The following ADAM29 variants were observed in gnomAD, a reference collection of about 807,000 sequenced individuals.
The protein encoded by ADAM29 is disintegrin and metalloproteinase domain-containing protein 29.
For missense variants in ADAM29, 969 were observed against 1,001.8 expected, an observed-to-expected ratio of 0.97 and a Z score of 0.44; for synonymous variants, 367 against 342.3, an observed-to-expected ratio of 1.07 and a Z score of -0.80.
chr4:174,939,638 T>C (rs1349043284), intron 4 of ADAM29, among the ~76,000 whole-genome samples: 1 of 152,216 alleles, frequency 6.6e-6, no homozygotes, highest in Non-Finnish European at 1.5e-5. Flanking sequence ...ATATTTCATT[T>C]TGAGTTACGT....
At chr4:174,962,443 C>T (rs2111065663) in intron 4 of ADAM29, among the ~76,000 whole-genome samples, 1 of 148,170 alleles carries the variant, frequency 6.7e-6, no homozygotes, top group Non-Finnish European at 1.5e-5. Context: ...ACCCGGGAAG[C>T]AGAGCTTGCA....
At chr4:174,936,332 AG>A in intron 3 of ADAM29, among the ~76,000 whole-genome samples, 1 of 152,026 alleles carries the variant, frequency 6.6e-6, no homozygotes, top group Non-Finnish European at 1.5e-5. Context: ...AGATTTTGAA[AG>A]GTCAAAAGTT....
Position 174,935,258 on chromosome 4 carries a change from C to T in ADAM29, c.-261-1675C>T, listed in dbSNP as rs1744139142. 1.3e-5 allele frequency among the ~76,000 whole-genome samples: 2 copies of T among 152,092 alleles called. 1 individual carries two copies. The highest frequency in any genetic ancestry group is 1.3e-4 in the Admixed American group (2 of 15,254). On this transcript the variant is annotated intron_variant, in intron 3 of 4. Transcript: ENST00000359240. ...GGTCTACATATAATACAGGATATGT[C>T]ATTAGAAATGCATTGAATTCTTATC...
At chr4:174,928,512 A>G (rs1743652755) in intron 2 of ADAM29, among the ~76,000 whole-genome samples, 1 of 144,538 alleles carries the variant, frequency 6.9e-6, no homozygotes, top group Non-Finnish European at 1.5e-5. Flanking sequence ...GAGGGGGAAC[A>G]GTCTGGTTGG....
chr4:174,936,138 G>A (rs1040887826), intron 3 of ADAM29, among the ~76,000 whole-genome samples: 1 of 152,010 alleles, frequency 6.6e-6, no homozygotes, highest in African/African-American at 2.4e-5. Flanking sequence ...CAGCAATTCA[G>A]TCTCTTTCAT....
intron 2 of ADAM29, among the ~76,000 whole-genome samples, chr4:174,928,207 G>A (rs566220040): frequency 1.3e-5 from 2 of 152,124 alleles, no homozygotes; most frequent in African/African-American, 2.4e-5. Flanking sequence ...CAGTCCTGCC[G>A]GGCTACCTCC....
chr4:174,931,908 G>A (rs924462049), intron 3 of ADAM29, among the ~76,000 whole-genome samples: 1 of 152,014 alleles, frequency 6.6e-6, no homozygotes, highest in African/African-American at 2.4e-5. Flanking sequence ...TAACTATAAT[G>A]TATTTTTCTC....
At chr4:174,962,466 C>T (rs1410314126) in intron 4 of ADAM29, among the ~76,000 whole-genome samples, 3 of 149,720 alleles carry the variant, frequency 2.0e-5, no homozygotes, top group Non-Finnish European at 3.0e-5. Flanking sequence ...GAGCCGAGAT[C>T]GCGCCACTGC....
At chr4:174,964,256 A>G (rs934107058) in intron 4 of ADAM29, among the ~76,000 whole-genome samples, 1 of 152,046 alleles carries the variant, frequency 6.6e-6, no homozygotes, top group Non-Finnish European at 1.5e-5. Context: ...GAAAATTAGT[A>G]CACACAAGAG....
chr4:174,943,644 T>C (rs1579035151), intron 4 of ADAM29, among the ~76,000 whole-genome samples: 2 of 152,222 alleles, frequency 1.3e-5, no homozygotes, highest in South Asian at 4.1e-4. Context: ...GTCCCTCCCC[T>C]GACACATGGG....
intron 3 of ADAM29, among the ~76,000 whole-genome samples, chr4:174,935,693 C>A (rs1226551286): frequency 1.3e-5 from 2 of 151,952 alleles, no homozygotes; most frequent in South Asian, 4.1e-4. Flanking sequence ...GCAGTCCTAC[C>A]ATTTACTCTT....
At position 174,977,869 on chromosome 4, in the gene ADAM29, A is replaced by T. The variant is rs775818511; in HGVS notation, c.2344A>T (p.Met782Leu). The T allele has an allele frequency of 6.3e-7, 1 of 1,586,768 alleles. No individual in the cohort carries two copies. The highest frequency in any genetic ancestry group is 8.6e-7 in the Non-Finnish European group (1 of 1,165,524). ...VMPSQSQPPV[M>L]PSQSHPQLTP... is the part of the protein sequence containing the mutation. ...GCCTTCTCAGAGTCAACCTCCTGTG[A>T]TGCCTTCCCAGAGTCATCCTCAGTT... The change falls in exon 5 of 5, where the codon ATG becomes TTG. Residue 782 changes from methionine to leucine, a missense_variant. Met to Leu is a conservative substitution (Grantham distance 15, BLOSUM62 2). Transcript: ENST00000359240.
At chr4:174,919,067 A>C (rs576170743) in intron 1 of ADAM29, 1 of 152,256 alleles carries the variant, frequency 6.6e-6, no homozygotes, top group South Asian at 2.1e-4. Flanking sequence ...AGGAACTTAC[A>C]TTTCCCTATA....
chr4:174,957,918 G>A (rs1258032971), intron 4 of ADAM29, among the ~76,000 whole-genome samples: 1 of 151,776 alleles, frequency 6.6e-6, no homozygotes, highest in Non-Finnish European at 1.5e-5. Flanking sequence ...ATGAGCTTTT[G>A]ATCTTACAAG....
chr4:174,960,415 A>G (rs1459122736), intron 4 of ADAM29, among the ~76,000 whole-genome samples: 1 of 152,144 alleles, frequency 6.6e-6, no homozygotes, highest in Non-Finnish European at 1.5e-5. Context: ...TTATCAAAGT[A>G]TATTCACTGT....
intron 4 of ADAM29, among the ~76,000 whole-genome samples, chr4:174,941,133 A>G (rs780581531): frequency 1.3e-4 from 20 of 152,330 alleles, no homozygotes; most frequent in Non-Finnish European, 8.8e-5. Flanking sequence ...TAGATGGTAT[A>G]AAAAAGAAGA....
At chr4:174,957,171 A>C (rs1745556057) in intron 4 of ADAM29, among the ~76,000 whole-genome samples, 1 of 151,906 alleles carries the variant, frequency 6.6e-6, no homozygotes, top group African/African-American at 2.4e-5. Context: ...CATCTGGACA[A>C]ACAGTTCAAT....
In ADAM29 at chr4:174,976,583, G is replaced by A. The variant is rs1320161420; in HGVS notation, c.1058G>A (p.Arg353Lys). 1 of 1,603,774 alleles carries A rather than the reference G, an allele frequency of 6.2e-7. No individual in the cohort carries two copies. The highest frequency in any genetic ancestry group is 1.1e-5 in the South Asian group (1 of 88,760). Residue 353 changes from arginine to lysine, a missense_variant, in exon 5 of 5, where the codon AGA becomes AAA. Coordinates refer to ENST00000359240, the MANE Select transcript of ADAM29 (RefSeq NM_014269.4). ...DEDTCRCSQP[R>K]CIMHEGNPPI... ...GATACATGTCGTTGTTCACAACCTA[G>A]ATGCATAATGCATGAAGGCAACCCA...
At chr4:174,962,354 A>T (rs1364081266) in intron 4 of ADAM29, among the ~76,000 whole-genome samples, 1 of 152,052 alleles carries the variant, frequency 6.6e-6, no homozygotes, top group East Asian at 1.9e-4. Context: ...TACTAAAAAT[A>T]CAAAAAAATT....
Sources: allele counts gnomAD v4.1 joint callset (sites outside exome capture counted in the v4.1 genomes callset), GRCh38; gene constraint gnomAD v4.1.1; transcripts MANE v1.5; gene names NCBI Gene and HGNC (gene_info 2026-07-23, HGNC 2026-07-21).